Variants in CORO2B observed in about 807,000 individuals in gnomAD.
The protein encoded by CORO2B is coronin 2B, also known as coronin-2B.
Under a neutral mutation model 58.8 loss-of-function variants are expected in CORO2B, and 26 were observed. The observed-to-expected ratio is 0.44, with a 90% CI of 0.32 to 0.61. The LOEUF (loss-of-function observed/expected upper bound fraction) is 0.61. CORO2B is among the 20% of genes least tolerant of loss of function. CORO2B has a pLI of 0.04. For missense variants in CORO2B, 460 were observed against 645.1 expected, an observed-to-expected ratio of 0.71 and a Z score of 3.11; for synonymous variants, 242 against 253.8, an observed-to-expected ratio of 0.95 and a Z score of 0.44.
intron 3 of CORO2B, among the ~76,000 whole-genome samples, chr15:68,697,093 C>T (rs1168532083): frequency 1.3e-5 from 2 of 151,790 alleles, no homozygotes; most frequent in African/African-American, 4.8e-5. Context: ...TGGATGGGAT[C>T]GATGGATGCA....
intron 1 of CORO2B, among the ~76,000 whole-genome samples, chr15:68,583,588 G>A (rs570493847): frequency 2.0e-5 from 3 of 152,198 alleles, no homozygotes; most frequent in Admixed American, 6.5e-5. Flanking sequence ...GAAGCATTGC[G>A]GGAGTGGGAG....
chr15:68,688,608 A>G (rs1166212350), intron 2 of CORO2B, among the ~76,000 whole-genome samples: 1 of 152,224 alleles, frequency 6.6e-6, no homozygotes, highest in African/African-American at 2.4e-5. Context: ...CTGTTTTACT[A>G]AGCGTAGATC....
At chr15:68,660,617 C>T (rs887135697) in intron 2 of CORO2B, among the ~76,000 whole-genome samples, 5 of 152,150 alleles carry the variant, frequency 3.3e-5, no homozygotes, top group African/African-American at 1.2e-4. Flanking sequence ...GCAATCCACC[C>T]ATCTTGGCTT....
the CORO2B span, among the ~76,000 whole-genome samples, chr15:68,542,181 A>G: frequency 6.6e-6 from 1 of 152,224 alleles, no homozygotes; most frequent in Non-Finnish European, 1.5e-5. Flanking sequence ...AAAAGACCCC[A>G]AAGGATCCAA....
chr15:68,533,533 T>C, the CORO2B span, among the ~76,000 whole-genome samples: 1 of 152,210 alleles, frequency 6.6e-6, no homozygotes, highest in African/African-American at 2.4e-5. Flanking sequence ...TGGGGCTAGA[T>C]GCAGTGCAGC....
In CORO2B at chr15:68,579,143, G is replaced by A; in HGVS notation, c.-120G>A. ...CGCAGCCCCCAGGCTCGGCCGAGCCGCCGGCGGGGCGCGGGGAGCGAGCCG... is the reference window on the plus strand; with the variant it reads ...CGCAGCCCCCAGGCTCGGCCGAGCCACCGGCGGGGCGCGGGGAGCGAGCCG... On this transcript the variant is annotated 5_prime_UTR_variant, in exon 1 of 12. Coordinates refer to ENST00000261861, the MANE Select transcript of CORO2B (RefSeq NM_006091.5). 1.0e-6 allele frequency: 1 copy of A among 981,348 alleles called. No homozygotes were observed. Among genetic ancestry groups the A allele is most frequent in the Non-Finnish European group, 1.2e-6 (1 of 828,244 alleles). 60.8% of individuals were successfully genotyped at this position (981,348 alleles called of 1,614,324 possible).
intron 1 of CORO2B, among the ~76,000 whole-genome samples, chr15:68,616,972 A>G (rs1046027120): frequency 3.3e-5 from 5 of 152,248 alleles, no homozygotes; most frequent in Non-Finnish European, 1.5e-5. Flanking sequence ...TACAAACACT[A>G]GGTATTTAAC....
intron 1 of CORO2B, among the ~76,000 whole-genome samples, chr15:68,605,151 A>G (rs1900077412): frequency 6.6e-6 from 1 of 152,094 alleles, no homozygotes; most frequent in East Asian, 1.9e-4. Flanking sequence ...GAAAAGAAAA[A>G]CTTCAATCTC....
intron 7 of CORO2B, 103 bp from the exon 8 acceptor site, chr15:68,715,112 A>G: frequency 3.9e-6 from 4 of 1,035,952 alleles, no homozygotes; most frequent in Admixed American, 1.8e-5. Flanking sequence ...TTAACTGCCC[A>G]TGAGGCACAG....
intron 5 of CORO2B, 66 bp downstream of exon 5, chr15:68,711,772 G>A: frequency 6.3e-7 from 1 of 1,585,098 alleles, no homozygotes; most frequent in Non-Finnish European, 8.6e-7. Context: ...GCTTTCAGCA[G>A]GCCTGGAAGA....
chr15:68,669,949 C>T (rs1047522816), intron 2 of CORO2B, among the ~76,000 whole-genome samples: 1 of 151,238 alleles, frequency 6.6e-6, no homozygotes, highest in Non-Finnish European at 1.5e-5. Flanking sequence ...CCCAGCTACT[C>T]AGGAGGCTGA....
At chr15:68,558,740 AC>A in the CORO2B span, among the ~76,000 whole-genome samples, 2 of 152,026 alleles carry the variant, frequency 1.3e-5, no homozygotes, top group Non-Finnish European at 2.9e-5. Flanking sequence ...ACACGGGGTC[AC>A]CCACCTCCTT....
chr15:68,605,723 T>G (rs981226260), intron 1 of CORO2B, among the ~76,000 whole-genome samples: 13 of 137,498 alleles, frequency 9.5e-5, no homozygotes, highest in African/African-American at 1.9e-4. Context: ...TTTTTTTTTT[T>G]TTTTTTTTTT....
intron 5 of CORO2B, among the ~76,000 whole-genome samples, chr15:68,713,464 C>T (rs1892964898): frequency 6.6e-6 from 1 of 152,222 alleles, no homozygotes; most frequent in African/African-American, 2.4e-5. Context: ...TGCCCACAAA[C>T]TAGGTGGCTG....
At chr15:68,583,401 C>G (rs942197208) in intron 1 of CORO2B, among the ~76,000 whole-genome samples, 2 of 152,202 alleles carry the variant, frequency 1.3e-5, no homozygotes, top group Non-Finnish European at 2.9e-5. Flanking sequence ...GCTGGCACCT[C>G]GGTCCTGACT....
the CORO2B span, among the ~76,000 whole-genome samples, chr15:68,550,567 T>A: frequency 1.3e-5 from 2 of 152,242 alleles, no homozygotes; most frequent in Non-Finnish European, 2.9e-5. Flanking sequence ...GATCCAAGTA[T>A]AAAGTATGGA....
At chr15:68,654,280 G>A (rs73425136) in intron 2 of CORO2B, among the ~76,000 whole-genome samples, 1 of 152,248 alleles carries the variant, frequency 6.6e-6, no homozygotes, top group African/African-American at 2.4e-5. Context: ...TTGGAGTCCA[G>A]GGGGCCAGAG....
intron 3 of CORO2B, among the ~76,000 whole-genome samples, chr15:68,698,383 CT>C (rs1287278199): frequency 6.6e-6 from 1 of 152,194 alleles, no homozygotes; most frequent in Non-Finnish European, 1.5e-5. Context: ...TCAATTTCTC[CT>C]GCCTGGCTCA....
chr15:68,589,228 C>G (rs182412607), intron 1 of CORO2B, among the ~76,000 whole-genome samples: 37 of 152,294 alleles, frequency 2.4e-4, no homozygotes, highest in African/African-American at 8.4e-4. Flanking sequence ...CCTAATGTGC[C>G]TTGTTTGCTG....
Sources: gnomAD v4.1 joint callset for allele counts (sites outside exome capture counted in the v4.1 genomes callset) on GRCh38, gnomAD v4.1.1 for gene constraint, MANE v1.5 for transcripts, NCBI Gene and HGNC (gene_info 2026-07-23, HGNC 2026-07-21) for gene names.